The following ADCY2 variants were observed in gnomAD, a reference collection of about 807,000 sequenced individuals.
The protein encoded by ADCY2 is adenylate cyclase type 2.
In ADCY2, 31 loss-of-function variants were observed where a neutral mutation model predicts 125.2. The ratio of observed to expected loss-of-function variants is 0.25; its 90% confidence interval spans 0.19 to 0.33. The LOEUF is 0.33. ADCY2 is among the 10% of genes least tolerant of loss of function. ADCY2 has a pLI of 1.00. For synonymous variants in ADCY2, 512 were observed against 548.4 expected (o/e 0.93, Z 0.93); for missense variants, 904 against 1,418.2 (o/e 0.64, Z 5.82).
At chr5:7,551,320 A>C (rs866549513) in intron 3 of ADCY2, among the ~76,000 whole-genome samples, 7 of 152,152 alleles carry the variant, frequency 4.6e-5, no homozygotes, top group Admixed American at 1.3e-4. Flanking sequence ...TTATGTTCAC[A>C]GTTCTTTTAA....
intron 3 of ADCY2, among the ~76,000 whole-genome samples, chr5:7,560,131 A>T (rs1408979466): frequency 6.6e-6 from 1 of 152,230 alleles, no homozygotes; most frequent in African/African-American, 2.4e-5. Context: ...TTGAGTAAAA[A>T]TAGCCCATTG....
chr5:7,821,992 G>C (rs1250473945), intron 24 of ADCY2, among the ~76,000 whole-genome samples: 2 of 152,196 alleles, frequency 1.3e-5, no homozygotes, highest in Non-Finnish European at 2.9e-5. Context: ...TCACAGCTCA[G>C]TAGCAACATC....
chr5:7,815,093 G>A lies in ADCY2; in HGVS notation c.2884-1773G>A, dbSNP rs376058063. Reference sequence around the variant, plus strand: ...GGTGCGTGCTTCTCGAATGCACAGCGGTCAGCTTTGACCTTCCGCCAAAGC... The same window carrying A: ...GGTGCGTGCTTCTCGAATGCACAGCAGTCAGCTTTGACCTTCCGCCAAAGC... On this transcript the variant is annotated intron_variant, in intron 22 of 24. Transcript: ENST00000338316. Among the ~76,000 whole-genome samples, 7 of 152,266 alleles carry A rather than the reference G, an allele frequency of 4.6e-5. No homozygotes were observed. The South Asian group carries it at 1.5e-3, about 32-fold the overall frequency.
chr5:7,463,407 C>T (rs543990337), intron 2 of ADCY2, among the ~76,000 whole-genome samples: 5 of 151,972 alleles, frequency 3.3e-5, no homozygotes, highest in East Asian at 1.9e-4. Context: ...TTCTTTTTTG[C>T]GCTTGTGAAA....
intron 14 of ADCY2, among the ~76,000 whole-genome samples, chr5:7,735,190 A>G (rs1742212132): frequency 6.6e-6 from 1 of 152,208 alleles, no homozygotes; most frequent in African/African-American, 2.4e-5. Flanking sequence ...GAAGTTGAGC[A>G]TATTGGTGAG....
At chr5:7,744,622 A>G (rs1742540688) in intron 15 of ADCY2, among the ~76,000 whole-genome samples, 1 of 152,256 alleles carries the variant, frequency 6.6e-6, no homozygotes, top group Non-Finnish European at 1.5e-5. Flanking sequence ...AAACAATGGG[A>G]TAGAAGGCCC....
intron 12 of ADCY2, among the ~76,000 whole-genome samples, chr5:7,723,653 T>A (rs1411926048): frequency 6.6e-6 from 1 of 152,110 alleles, no homozygotes; most frequent in Admixed American, 6.5e-5. Flanking sequence ...ACAGGCGCGG[T>A]GGCTCACGCC....
intron 19 of ADCY2, among the ~76,000 whole-genome samples, chr5:7,788,220 C>A (rs1042790605): frequency 1.3e-5 from 2 of 152,106 alleles, no homozygotes; most frequent in Non-Finnish European, 2.9e-5. Context: ...CGTTCTGTTT[C>A]CCAGACTGGA....
intron 21 of ADCY2, among the ~76,000 whole-genome samples, chr5:7,803,478 C>T (rs1452914105): frequency 1.3e-5 from 2 of 152,216 alleles, no homozygotes; most frequent in Non-Finnish European, 2.9e-5. Context: ...ATGTTCAAGC[C>T]CATTCCTCTT....
chr5:7,425,328 G>T (rs775570135), intron 2 of ADCY2, among the ~76,000 whole-genome samples: 7 of 152,206 alleles, frequency 4.6e-5, no homozygotes, highest in Non-Finnish European at 1.0e-4. Context: ...TAGGGCTTCT[G>T]CATCATCTCC....
intron 2 of ADCY2, among the ~76,000 whole-genome samples, chr5:7,486,011 C>T (rs183426920): frequency 5.3e-5 from 8 of 152,082 alleles, no homozygotes; most frequent in East Asian, 3.9e-4. Flanking sequence ...GAATAAAACA[C>T]GACATTCTTA....
chr5:7,585,334 G>A lies in ADCY2; in HGVS notation c.571-40833G>A, dbSNP rs902615199. ...GTGTATGTGGAAATCCATTCCACACGTATTCATCCACAGACCACGAATTTA... is the reference window on the plus strand; with the variant it reads ...GTGTATGTGGAAATCCATTCCACACATATTCATCCACAGACCACGAATTTA... On this transcript the variant is annotated intron_variant, in intron 3 of 24. Coordinates refer to ENST00000338316, the MANE Select transcript of ADCY2 (RefSeq NM_020546.3). Among the ~76,000 whole-genome samples the A allele has an allele frequency of 5.9e-5, 9 of 152,118 alleles. No individual in the cohort carries two copies. The South Asian group carries it at 1.2e-3, about 21-fold the overall frequency.
At chr5:7,695,716 G>A (rs778489668) in intron 5 of ADCY2, 36 bp from the exon 6 acceptor site, 1 of 1,302,824 alleles carries the variant, frequency 7.7e-7, no homozygotes. Context: ...GTATAAACTG[G>A]AAAACTCTGT....
intron 2 of ADCY2, among the ~76,000 whole-genome samples, chr5:7,485,192 T>C (rs1742878711): frequency 6.6e-6 from 1 of 152,176 alleles, no homozygotes; most frequent in Non-Finnish European, 1.5e-5. Flanking sequence ...TGAATAGATA[T>C]GGCTATGCAG....
At chr5:7,775,646 C>A (rs749604091) in intron 18 of ADCY2, among the ~76,000 whole-genome samples, 3 of 152,244 alleles carry the variant, frequency 2.0e-5, no homozygotes, top group Non-Finnish European at 4.4e-5. Context: ...CTGCCTCAGC[C>A]TCCCAAAGTG....
intron 2 of ADCY2, among the ~76,000 whole-genome samples, chr5:7,495,512 T>A (rs1276843995): frequency 1.3e-5 from 2 of 152,232 alleles, no homozygotes; most frequent in Admixed American, 1.3e-4. Flanking sequence ...AGAAAATGAA[T>A]CTAAATCTAT....
At chr5:7,679,634 G>T (rs1166852426) in intron 4 of ADCY2, among the ~76,000 whole-genome samples, 2 of 152,210 alleles carry the variant, frequency 1.3e-5, no homozygotes, top group African/African-American at 4.8e-5. Context: ...ATGTGGACTG[G>T]TAAGAAGGAA....
chr5:7,738,548 G>A (rs1229238060), intron 14 of ADCY2, among the ~76,000 whole-genome samples: 1 of 151,976 alleles, frequency 6.6e-6, no homozygotes, highest in Non-Finnish European at 1.5e-5. Flanking sequence ...TAGATAGCCA[G>A]AGGGTAAGAT....
intron 1 of ADCY2, among the ~76,000 whole-genome samples, chr5:7,414,325 G>A (rs114637800): frequency 0.01 from 1,553 of 152,286 alleles, 13 homozygotes; most frequent in Non-Finnish European, 0.017. Context: ...CAGGGAAGAT[G>A]TAACTTTGAT....
Sources: gnomAD v4.1 joint callset for allele counts (sites outside exome capture counted in the v4.1 genomes callset) on GRCh38, gnomAD v4.1.1 for gene constraint, MANE v1.5 for transcripts, NCBI Gene and HGNC (gene_info 2026-07-23, HGNC 2026-07-21) for gene names.